Variants in RBM25 observed in about 807,000 individuals in gnomAD.
RBM25 encodes RNA binding motif protein 25.
RBM25 carries 19 observed loss-of-function variants against 120.7 expected under a neutral mutation model. The ratio of observed to expected loss-of-function variants is 0.16; its 90% CI spans 0.11 to 0.23. The LOEUF (loss-of-function observed/expected upper bound fraction) is 0.23. Among genes scored for constraint, RBM25 ranks in the 10% least tolerant of loss-of-function variants. The probability of loss-of-function intolerance (pLI) is 1.00; values close to 1 mark genes in which losing one functional copy is unlikely to be tolerated. For synonymous variants in RBM25, 390 were observed against 326.7 expected (o/e 1.19, Z -2.09); for missense variants, 605 against 1,041.5 (o/e 0.58, Z 5.77).
chr14:73,109,645 T>G lies in RBM25; in HGVS notation c.1692+153T>G, dbSNP rs578091400. Among the ~76,000 whole-genome samples the G allele has an allele frequency of 8.5e-5, 13 of 152,066 alleles. No homozygotes were observed. The South Asian group carries it at 2.7e-3, about 32-fold the overall frequency. On this transcript the variant is annotated intron_variant, in intron 14 of 18. Transcript: ENST00000261973. ...CGTCTCTATTAAAAATACAAAAGATTAGCCGGGTGTAGTGGTGGGCGCCTG... is the reference window on the plus strand; with the variant it reads ...CGTCTCTATTAAAAATACAAAAGATGAGCCGGGTGTAGTGGTGGGCGCCTG...
chr14:73,107,665 G>T, intron 12 of RBM25, 161 bp from the exon 13 acceptor site: 1 of 600,368 alleles, frequency 1.7e-6, no homozygotes, highest in Non-Finnish European at 2.9e-6. Flanking sequence ...TTATTGAAAC[G>T]GCCATGTTTG....
chr14:73,062,974 C>G (rs1895040290), intron 1 of RBM25, among the ~76,000 whole-genome samples: 1 of 150,690 alleles, frequency 6.6e-6, no homozygotes, highest in South Asian at 2.1e-4. Flanking sequence ...GTGCATGCTA[C>G]CACACCTGGC....
rs1173997326 is a variant in RBM25, at chr14:73,121,034, T to G, written c.*1229T>G. 1 of 152,212 alleles carries G rather than the reference T, an allele frequency of 6.6e-6. No homozygotes were observed. Among genetic ancestry groups the G allele is most frequent in the African/African-American group, 2.4e-5 (1 of 41,446 alleles). 9.4% of individuals were successfully genotyped at this position (152,212 alleles called of 1,614,324 possible). A position where few individuals can be genotyped will look rare whatever the true frequency, so the allele number is the denominator to read the frequency against. On this transcript the variant is annotated 3_prime_UTR_variant, in exon 19 of 19. Transcript: ENST00000261973. ...TTCCTGGGGCTTTCTTCGTTGTAGATCAGAATTTCACCAGGGAGTAAAATT... is the reference window on the plus strand; with the variant it reads ...TTCCTGGGGCTTTCTTCGTTGTAGAGCAGAATTTCACCAGGGAGTAAAATT...
intron 1 of RBM25, among the ~76,000 whole-genome samples, chr14:73,071,157 G>A (rs973991341): frequency 6.7e-6 from 1 of 150,114 alleles, no homozygotes; most frequent in Middle Eastern, 3.5e-3. Flanking sequence ...CAGGAGAATC[G>A]CTTGAACCCG....
intron 6 of RBM25, among the ~76,000 whole-genome samples, chr14:73,092,008 C>G (rs913937717): frequency 3.3e-5 from 5 of 152,032 alleles, no homozygotes; most frequent in African/African-American, 9.7e-5. Flanking sequence ...TCTGAGTGCC[C>G]TTTGGCTTCT....
chr14:73,071,938 ATTTTT>A (rs752642810), intron 2 of RBM25, among the ~76,000 whole-genome samples, 191 bp downstream of exon 2: 1 of 147,992 alleles, frequency 6.8e-6, no homozygotes. Flanking sequence ...TCATCTGGAA[ATTTTT>A]TTTTTTCTTC....
In RBM25 at chr14:73,112,198, T is replaced by C; in HGVS notation, c.2339T>C (p.Ile780Thr). 6.2e-7 allele frequency: 1 copy of C among 1,608,530 alleles called. No individual in the cohort carries two copies. Among genetic ancestry groups the C allele is most frequent in the Non-Finnish European group, 8.5e-7 (1 of 1,178,764 alleles). ...RIRPWINKKI[I>T]EYIGEEEATL... is the part of the protein sequence containing the mutation. Reference sequence around the variant, plus strand: ...AGACCATGGATTAATAAGAAAATCATAGAATATATAGGTGAAGAAGAAGCT... The same window carrying C: ...AGACCATGGATTAATAAGAAAATCACAGAATATATAGGTGAAGAAGAAGCT... Residue 780 changes from isoleucine (I) to threonine (T), a missense_variant, in exon 17 of 19, where the codon ATA becomes ACA. Ile to Thr is a moderately conservative substitution (Grantham distance 89). Transcript: ENST00000261973.
At chr14:73,105,814 C>G in intron 10 of RBM25, 45 bp from the exon 11 acceptor site, 1 of 1,584,096 alleles carries the variant, frequency 6.3e-7, no homozygotes, top group South Asian at 1.2e-5. Context: ...GTCTTGAAAA[C>G]AGAAAGTAGA....
chr14:73,080,512 C>T (rs1445855937), intron 4 of RBM25, among the ~76,000 whole-genome samples: 2 of 151,846 alleles, frequency 1.3e-5, no homozygotes, highest in Admixed American at 6.6e-5. Context: ...CGTGAGCCAC[C>T]GCGCCCGGCC....
chr14:73,062,311 T>C (rs1014698016), intron 1 of RBM25, among the ~76,000 whole-genome samples: 2 of 148,890 alleles, frequency 1.3e-5, no homozygotes, highest in African/African-American at 5.1e-5. Flanking sequence ...ATAAAACACT[T>C]TTTTTTTTCT....
chr14:73,060,125 G>C (rs569919341), intron 1 of RBM25, among the ~76,000 whole-genome samples: 1 of 151,730 alleles, frequency 6.6e-6, no homozygotes, highest in Non-Finnish European at 1.5e-5. Context: ...TGCAACCTCC[G>C]CCTCCCAGGT....
chr14:73,112,205 T>C lies in RBM25; in HGVS notation c.2346T>C (p.Tyr782=), dbSNP rs780231990. The C allele has an allele frequency of 3.7e-6, 6 of 1,608,096 alleles. No homozygotes were observed. The highest frequency in any genetic ancestry group is 5.1e-6 in the Non-Finnish European group (6 of 1,178,662). ...RPWINKKIIE[Y]IGEEEATLVD... ...GGATTAATAAGAAAATCATAGAATA[T>C]ATAGGTGAAGAAGAAGCTACATTAG... is the stretch of plus-strand genomic sequence containing the variant. The change falls in exon 17 of 19, where the codon TAT becomes TAC. Residue 782 remains tyrosine, a synonymous_variant. Coordinates refer to ENST00000261973, the MANE Select transcript of RBM25 (RefSeq NM_021239.3).
At position 73,103,386 on chromosome 14, in the gene RBM25, A is replaced by G; in HGVS notation, c.1062A>G (p.Thr354=). The change falls in exon 10 of 19, where the codon ACA becomes ACG. Residue 354 remains threonine (T), a synonymous_variant. Coordinates refer to ENST00000261973, the MANE Select transcript of RBM25 (RefSeq NM_021239.3). The part of the protein sequence containing the change: ...ERERDRDRDR[T]KERDRDRDRE... The stretch of plus-strand genomic sequence containing the variant: ...AACGGGATAGGGACCGTGACCGGAC[A>G]AAAGAGAGAGACCGAGATCGGGATC... 6.2e-7 allele frequency: 1 copy of G among 1,612,392 alleles called. No individual in the cohort carries two copies.
chr14:73,097,656 A>G (rs541145142), intron 7 of RBM25, among the ~76,000 whole-genome samples: 110 of 152,222 alleles, frequency 7.2e-4, no homozygotes, highest in Middle Eastern at 6.8e-3. Flanking sequence ...TTGTTTGCCT[A>G]TGGTTGTTCT....
intron 6 of RBM25, among the ~76,000 whole-genome samples, chr14:73,091,368 C>G (rs971277477): frequency 5.9e-5 from 9 of 152,070 alleles, no homozygotes; most frequent in African/African-American, 2.2e-4. Context: ...GTATGCACCA[C>G]CATACTGGCT....
chr14:73,096,445 G>T (rs1895943487), intron 6 of RBM25, among the ~76,000 whole-genome samples: 1 of 152,028 alleles, frequency 6.6e-6, no homozygotes, highest in African/African-American at 2.4e-5. Flanking sequence ...TTGCAGTTTG[G>T]TATATTTAGC....
chr14:73,081,694 A>G lies in RBM25; in HGVS notation c.325-1800A>G, dbSNP rs139197216. 3.8e-4 allele frequency among the ~76,000 whole-genome samples: 58 copies of G among 152,210 alleles called. 1 individual carries two copies. The East Asian group carries it at 0.01, about 27-fold the overall frequency. On this transcript the variant is annotated intron_variant, in intron 4 of 18. Coordinates refer to ENST00000261973, the MANE Select transcript of RBM25 (RefSeq NM_021239.3). ...TGAATCTAAATCTGAAGTGCTTTTTATTTCATGTGGTCAGTAGTTTACCGG... is the reference window on the plus strand; with the variant it reads ...TGAATCTAAATCTGAAGTGCTTTTTGTTTCATGTGGTCAGTAGTTTACCGG...
intron 7 of RBM25, among the ~76,000 whole-genome samples, chr14:73,098,654 C>G (rs142073015): frequency 0.023 from 3,454 of 152,076 alleles, 134 homozygotes; most frequent in African/African-American, 0.076. Flanking sequence ...CGCCCCTACC[C>G]CCACCCAAGA....
At position 73,106,196 on chromosome 14, in the gene RBM25, C is replaced by T. The variant is rs1896183819; in HGVS notation, c.1378C>T (p.Arg460Cys). The T allele has an allele frequency of 3.8e-6, 6 of 1,577,042 alleles. No individual in the cohort carries two copies. The highest frequency in any genetic ancestry group is 4.3e-6 in the Non-Finnish European group (5 of 1,167,712). The change falls in exon 12 of 19, where the codon CGC (arginine) becomes TGC (cysteine). Residue 460 changes from arginine to cysteine, a missense_variant and splice_region_variant. By Grantham distance (180) the Arg-to-Cys change is radical. Transcript: ENST00000261973. ...AGCTTTGAAAATTTAATTTTTTTAG[C>T]GCCTTAAGAATTGGGAAATCAGAGA... is the stretch of plus-strand genomic sequence containing the variant. ...LREKEAAYQE[R>C]LKNWEIRERK... is the part of the protein sequence containing the mutation.
Sources: allele counts gnomAD v4.1 joint callset (sites outside exome capture counted in the v4.1 genomes callset), GRCh38; gene constraint gnomAD v4.1.1; transcripts MANE v1.5; gene names NCBI Gene and HGNC (gene_info 2026-07-23, HGNC 2026-07-21).